SRRM4: variants seen among roughly 807,000 people sequenced by gnomAD.
SRRM4 encodes the protein serine/arginine repetitive matrix protein 4.
Under a neutral mutation model 68.9 loss-of-function variants are expected in SRRM4, and 33 were observed. That is an observed-to-expected ratio of 0.48 (90% CI 0.36 to 0.64). SRRM4 has a LOEUF of 0.64. SRRM4 is among the 30% of genes least tolerant of loss of function. SRRM4 has a pLI of 0.00. For missense variants in SRRM4, 817 were observed against 827.1 expected (o/e 0.99, Z 0.15); for synonymous variants, 318 against 318.8 (o/e 1.00, Z 0.03).
intron 5 of SRRM4, 87 bp from the exon 6 acceptor site, chr12:119,121,983 T>A (rs1432055586): frequency 1.1e-6 from 1 of 869,636 alleles, no homozygotes; most frequent in Admixed American, 1.8e-5. Context: ...TGCCTGGATC[T>A]CACACTGTGT....
Position 119,156,661 on chromosome 12 carries a change from A to G in SRRM4, c.1699A>G (p.Ser567Gly), listed in dbSNP as rs1405935267. 1 of 1,573,672 alleles carries G rather than the reference A, an allele frequency of 6.4e-7. No individual in the cohort carries two copies. The highest frequency in any genetic ancestry group is 1.2e-5 in the South Asian group (1 of 86,040). ...RSRRRSRTRT[S>G]SSSSSRSPSP... ...CCGGAGACGGAGCCGGACCCGCACG[A>G]GCAGCAGCTCTAGCTCCCGCAGCCC... is the stretch of plus-strand genomic sequence containing the variant. Residue 567 changes from serine to glycine, a missense_variant, in exon 13 of 13, where the codon AGC (serine) becomes GGC (glycine). Transcript: ENST00000267260.
chr12:119,003,112 C>A (rs947178735), intron 1 of SRRM4, among the ~76,000 whole-genome samples: 2 of 151,818 alleles, frequency 1.3e-5, no homozygotes, highest in African/African-American at 4.8e-5. Context: ...GTCACCATAC[C>A]ACACTGCTAC....
At position 119,122,110 on chromosome 12, in the gene SRRM4, C is replaced by T; in HGVS notation, c.505C>T (p.His169Tyr). 2 of 1,609,016 alleles carry T rather than the reference C, an allele frequency of 1.2e-6. No homozygotes were observed. Among genetic ancestry groups the T allele is most frequent in the East Asian group, 2.2e-5 (1 of 44,844 alleles). ...PKSKRRDEKR[H>Y]KKQSRSRPRK... Reference sequence around the variant, plus strand: ...AAGCAAAAGAAGAGATGAGAAGAGGCACAAGAAACAGTAAGTAGATACTAC... The same window carrying T: ...AAGCAAAAGAAGAGATGAGAAGAGGTACAAGAAACAGTAAGTAGATACTAC... Residue 169 changes from histidine to tyrosine, a missense_variant, in exon 6 of 13, where the codon CAC becomes TAC. By Grantham distance (83) the His-to-Tyr change is moderately conservative. Coordinates refer to ENST00000267260, the MANE Select transcript of SRRM4 (RefSeq NM_194286.4).
At chr12:119,147,119 C>T (rs1954408131) in intron 9 of SRRM4, among the ~76,000 whole-genome samples, 1 of 152,166 alleles carries the variant, frequency 6.6e-6, no homozygotes, top group Non-Finnish European at 1.5e-5. Context: ...CAATGGAATG[C>T]TATTCAGTGC....
In SRRM4 at chr12:119,043,173, A is replaced by AT. The variant is rs565439186; in HGVS notation, c.132-59062dup. 6.3e-4 allele frequency among the ~76,000 whole-genome samples: 96 copies of AT among 152,354 alleles called. 1 individual carries two copies. Among genetic ancestry groups the AT allele is most frequent in the African/African-American group, 2.2e-3 (92 of 41,584 alleles). ...ATCAATGATAGACTGGATAAAGCAA[A>AT]TGTGGTACATATACACCATAGAACA... is the stretch of plus-strand genomic sequence containing the variant. On this transcript the variant is annotated intron_variant, in intron 1 of 12. Coordinates refer to ENST00000267260, the MANE Select transcript of SRRM4 (RefSeq NM_194286.4).
intron 8 of SRRM4, among the ~76,000 whole-genome samples, chr12:119,141,781 A>G (rs753112312): frequency 7.9e-5 from 12 of 152,226 alleles, no homozygotes; most frequent in Non-Finnish European, 1.5e-4. Context: ...AGTCAGAGAG[A>G]CGGCCAATAA....
At chr12:119,117,312 T>G (rs1954187219) in intron 4 of SRRM4, among the ~76,000 whole-genome samples, 1 of 152,110 alleles carries the variant, frequency 6.6e-6, no homozygotes, top group South Asian at 2.1e-4. Context: ...ACCTGGGACC[T>G]GAAGTGCCCG....
At chr12:119,115,635 A>G (rs1182370428) in intron 3 of SRRM4, among the ~76,000 whole-genome samples, 2 of 152,138 alleles carry the variant, frequency 1.3e-5, no homozygotes, top group African/African-American at 4.8e-5. Context: ...AGTCCTAGCC[A>G]TTGTAGGGTA....
At chr12:119,121,476 C>T (rs1021292351) in intron 5 of SRRM4, among the ~76,000 whole-genome samples, 6 of 152,164 alleles carry the variant, frequency 3.9e-5, no homozygotes, top group African/African-American at 1.4e-4. Context: ...AATGGGCAGA[C>T]CATTTCAGAA....
At chr12:118,990,401 T>C (rs1953309082) in intron 1 of SRRM4, among the ~76,000 whole-genome samples, 1 of 152,218 alleles carries the variant, frequency 6.6e-6, no homozygotes. Flanking sequence ...AATGACTGTT[T>C]CAGGGTTCGG....
At chr12:119,024,117 C>T (rs550669814) in intron 1 of SRRM4, among the ~76,000 whole-genome samples, 1 of 152,294 alleles carries the variant, frequency 6.6e-6, no homozygotes, top group Non-Finnish European at 1.5e-5. Context: ...GTTTGACTTT[C>T]TCTCTTGTCC....
intron 1 of SRRM4, among the ~76,000 whole-genome samples, chr12:119,088,141 G>C (rs1002211778): frequency 2.6e-5 from 4 of 152,144 alleles, no homozygotes; most frequent in African/African-American, 9.7e-5. Context: ...TCCTTAAATT[G>C]GGGGATTATG....
At chr12:119,117,828 C>T (rs1044107417) in intron 4 of SRRM4, among the ~76,000 whole-genome samples, 8 of 152,174 alleles carry the variant, frequency 5.3e-5, no homozygotes, top group Admixed American at 4.6e-4. Context: ...AGAAGAATCA[C>T]TTGAACCGGG....
intron 1 of SRRM4, among the ~76,000 whole-genome samples, chr12:119,080,984 C>T (rs1953944430): frequency 6.6e-6 from 1 of 152,176 alleles, no homozygotes; most frequent in South Asian, 2.1e-4. Context: ...TAACAGAACA[C>T]AACTGAGGGT....
chr12:119,064,157 C>T (rs1398178002), intron 1 of SRRM4, among the ~76,000 whole-genome samples: 1 of 152,180 alleles, frequency 6.6e-6, no homozygotes, highest in Admixed American at 6.5e-5. Flanking sequence ...GCTTCCTTGG[C>T]CATTTCATTT....
chr12:119,035,668 G>C (rs974573180), intron 1 of SRRM4, among the ~76,000 whole-genome samples: 10 of 152,028 alleles, frequency 6.6e-5, no homozygotes, highest in Admixed American at 6.5e-4. Context: ...ACTGGGTCAA[G>C]TTGTTTTTCA....
intron 1 of SRRM4, among the ~76,000 whole-genome samples, chr12:119,023,189 G>A (rs940915): frequency 0.28 from 42,207 of 152,054 alleles, 6,110 homozygotes; most frequent in Non-Finnish European, 0.31. Context: ...ATAGTGGTTA[G>A]CAATTCCTTG....
Position 118,981,858 on chromosome 12 carries a change from A to T in SRRM4, c.-25A>T. The T allele has an allele frequency of 6.2e-7, 1 of 1,607,814 alleles. No individual in the cohort carries two copies. Among genetic ancestry groups the T allele is most frequent in the South Asian group, 1.1e-5 (1 of 90,146 alleles). The stretch of plus-strand genomic sequence containing the variant: ...TTCAGCACTTTGGACAGCGCCCCGG[A>T]CGCCCCGGCCCCTTTGGGTTGGCGA... On this transcript the variant is annotated 5_prime_UTR_variant, in exon 1 of 13. Coordinates refer to ENST00000267260, the MANE Select transcript of SRRM4 (RefSeq NM_194286.4).
intron 1 of SRRM4, among the ~76,000 whole-genome samples, chr12:119,023,617 C>A (rs1385071867): frequency 6.6e-6 from 1 of 152,184 alleles, no homozygotes; most frequent in African/African-American, 2.4e-5. Flanking sequence ...AACATGCAAA[C>A]CAGATTATGT....
Sources: gnomAD v4.1 joint callset for allele counts (sites outside exome capture counted in the v4.1 genomes callset) on GRCh38, gnomAD v4.1.1 for gene constraint, MANE v1.5 for transcripts, NCBI Gene and HGNC (gene_info 2026-07-23, HGNC 2026-07-21) for gene names.